Variants in RTN1 observed in about 807,000 individuals in gnomAD.
RTN1 encodes the protein reticulon-1.
RTN1 carries 25 observed loss-of-function variants against 65.5 expected under a neutral mutation model. The ratio of observed to expected loss-of-function variants is 0.38; its 90% confidence interval spans 0.28 to 0.53. RTN1 has a LOEUF of 0.53. Among genes scored for constraint, RTN1 ranks in the 20% least tolerant of loss-of-function variants. The pLI, the probability that RTN1 is intolerant of heterozygous loss-of-function variation, is 0.79. For synonymous variants in RTN1, 471 were observed against 447.6 expected (o/e 1.05, Z -0.66); for missense variants, 983 against 1,025.4 (o/e 0.96, Z 0.57).
chr14:59,645,199 C>CCATA (rs1882864718), intron 3 of RTN1, among the ~76,000 whole-genome samples: 1 of 149,880 alleles, frequency 6.7e-6, no homozygotes, highest in Admixed American at 6.6e-5. Context: ...GGCAACAGAT[C>CCATA]CATACCTCCC....
intron 1 of RTN1, among the ~76,000 whole-genome samples, chr14:59,780,891 G>A (rs779391384): frequency 2.0e-5 from 3 of 152,118 alleles, no homozygotes; most frequent in Admixed American, 6.5e-5. Flanking sequence ...AAGTGGAGAC[G>A]CCTGTCTGGG....
At chr14:59,635,104 G>T (rs186816592) in intron 3 of RTN1, among the ~76,000 whole-genome samples, 6 of 152,218 alleles carry the variant, frequency 3.9e-5, no homozygotes, top group African/African-American at 1.4e-4. Flanking sequence ...TCAATACCCC[G>T]ACCCACATTA....
intron 1 of RTN1, among the ~76,000 whole-genome samples, chr14:59,848,954 C>G (rs996035352): frequency 2.0e-5 from 3 of 151,148 alleles, no homozygotes; most frequent in Non-Finnish European, 4.5e-5. Context: ...TCCCCACCCC[C>G]CCGGGAAGAA....
chr14:59,672,723 C>T (rs1883536277), intron 3 of RTN1, among the ~76,000 whole-genome samples: 2 of 140,206 alleles, frequency 1.4e-5, no homozygotes, highest in African/African-American at 5.2e-5. Flanking sequence ...TCACTGCAAG[C>T]TCCGCTTCCC....
chr14:59,751,704 C>T (rs1320692182), intron 1 of RTN1, among the ~76,000 whole-genome samples: 2 of 152,122 alleles, frequency 1.3e-5, no homozygotes, highest in Non-Finnish European at 2.9e-5. Context: ...CTGCAAAGGC[C>T]ACCACAGGGC....
At chr14:59,609,011 A>T (rs750401136) in intron 3 of RTN1, among the ~76,000 whole-genome samples, 1 of 152,192 alleles carries the variant, frequency 6.6e-6, no homozygotes, top group Non-Finnish European at 1.5e-5. Context: ...TGGGCTGGGC[A>T]TGGTGGCTCA....
At position 59,749,420 on chromosome 14, in the gene RTN1, C is replaced by CTATATATCTATATATATCTATATCTA. The variant is rs1566711823; in HGVS notation, c.242-2965_242-2940dup. On this transcript the variant is annotated intron_variant, in intron 1 of 8. Transcript: ENST00000267484. ...TATATATATCTATATCTATATATAT[C>CTATATATCTATATATATCTATATCTA]TATATATCTATATATATCTATATCT... is the stretch of plus-strand genomic sequence containing the variant. Among the ~76,000 whole-genome samples, 18 of 34,942 alleles carry CTATATATCTATATATATCTATATCTA rather than the reference C, an allele frequency of 5.2e-4. 1 individual carries two copies. Among genetic ancestry groups the CTATATATCTATATATATCTATATCTA allele is most frequent in the South Asian group, 1.3e-3 (2 of 1,548 alleles). 22.9% of individuals were successfully genotyped at this position (34,942 alleles called of 152,430 possible).
chr14:59,746,258 C>T lies in RTN1; in HGVS notation c.465G>A (p.Gly155=), dbSNP rs1020999690. 3 of 1,613,140 alleles carry T rather than the reference C, an allele frequency of 1.9e-6. No homozygotes were observed. The African/African-American group carries it at 4.0e-5, about 22-fold the overall frequency. ...AACTAAATAAGCCACGAGACTCTATCCCAGGCACATCTGGTAAGGAGGGGC... is the reference window on the plus strand; with the variant it reads ...AACTAAATAAGCCACGAGACTCTATTCCAGGCACATCTGGTAAGGAGGGGC... The part of the protein sequence containing the change: ...TPGPSLPDVP[G]IESRGLFSSD... The change falls in exon 2 of 9, where the codon GGG becomes GGA. Residue 155 remains glycine (G), a synonymous_variant. Transcript: ENST00000267484.
At chr14:59,669,470 G>T (rs1233222459) in intron 3 of RTN1, among the ~76,000 whole-genome samples, 4 of 152,046 alleles carry the variant, frequency 2.6e-5, no homozygotes, top group Admixed American at 2.0e-4. Context: ...ATGGGGGCCT[G>T]GGGGAGGGAT....
intron 1 of RTN1, among the ~76,000 whole-genome samples, chr14:59,757,983 T>C (rs1323561258): frequency 6.6e-6 from 1 of 152,158 alleles, no homozygotes; most frequent in African/African-American, 2.4e-5. Context: ...ATATACACCA[T>C]AACAGTATTA....
At chr14:59,851,081 C>T (rs1356168590) in intron 1 of RTN1, among the ~76,000 whole-genome samples, 1 of 152,208 alleles carries the variant, frequency 6.6e-6, no homozygotes, top group Non-Finnish European at 1.5e-5. Context: ...TTGTGATCAA[C>T]CTATGTACCA....
At chr14:59,834,551 T>C (rs1887181558) in intron 1 of RTN1, among the ~76,000 whole-genome samples, 1 of 152,108 alleles carries the variant, frequency 6.6e-6, no homozygotes, top group Non-Finnish European at 1.5e-5. Context: ...GTAACAGTTT[T>C]GAACAGATAC....
intron 3 of RTN1, chr14:59,630,779 C>G (rs1397760701): frequency 9.4e-7 from 1 of 1,059,736 alleles, no homozygotes; most frequent in Non-Finnish European, 1.1e-6. Context: ...CTGGGCTGCC[C>G]AAGGGTGCTA....
chr14:59,680,855 T>C (rs889633216), intron 3 of RTN1, among the ~76,000 whole-genome samples: 2 of 152,178 alleles, frequency 1.3e-5, no homozygotes, highest in Non-Finnish European at 2.9e-5. Context: ...TATGCTGTCA[T>C]GAAAAACCAT....
At chr14:59,634,641 A>G (rs1882625271) in intron 3 of RTN1, among the ~76,000 whole-genome samples, 1 of 152,206 alleles carries the variant, frequency 6.6e-6, no homozygotes. Flanking sequence ...CATAAATACA[A>G]AGGGAGCTGC....
chr14:59,670,870 C>T (rs1883487092), intron 3 of RTN1, among the ~76,000 whole-genome samples: 1 of 152,168 alleles, frequency 6.6e-6, no homozygotes, highest in Non-Finnish European at 1.5e-5. Flanking sequence ...ATAACAGCAA[C>T]ATGGTTATTA....
chr14:59,715,581 T>C (rs1053652028), intron 3 of RTN1, among the ~76,000 whole-genome samples: 2 of 152,134 alleles, frequency 1.3e-5, no homozygotes, highest in Non-Finnish European at 2.9e-5. Context: ...ATCCCAGCAC[T>C]TTGGGAGGCA....
At chr14:59,733,368 C>T (rs1314590018) in intron 2 of RTN1, among the ~76,000 whole-genome samples, 1 of 152,222 alleles carries the variant, frequency 6.6e-6, no homozygotes, top group African/African-American at 2.4e-5. Flanking sequence ...GCTGGGATTA[C>T]AGGCATGAGC....
At chr14:59,722,271 A>G (rs1444053715) in intron 3 of RTN1, among the ~76,000 whole-genome samples, 2 of 152,232 alleles carry the variant, frequency 1.3e-5, no homozygotes, top group Non-Finnish European at 2.9e-5. Context: ...GGTCTATGGG[A>G]TGTCCAATAC....
Sources: gnomAD v4.1 joint callset for allele counts (sites outside exome capture counted in the v4.1 genomes callset) on GRCh38, gnomAD v4.1.1 for gene constraint, MANE v1.5 for transcripts, NCBI Gene and HGNC (gene_info 2026-07-23, HGNC 2026-07-21) for gene names.